The following IFT172 variants were observed in gnomAD, a reference collection of about 807,000 sequenced individuals.
The protein encoded by IFT172 is intraflagellar transport protein 172 homolog.
Under a neutral mutation model 248.9 loss-of-function variants are expected in IFT172, and 164 were observed. The ratio of observed to expected loss-of-function variants is 0.66; its 90% confidence interval spans 0.58 to 0.75. The LOEUF is 0.75. Among genes scored for constraint, IFT172 ranks in the 30% least tolerant of loss-of-function variants. The probability of loss-of-function intolerance (pLI) is 0.00; values close to 1 mark genes in which losing one functional copy is unlikely to be tolerated. For missense variants in IFT172, 1,950 were observed against 2,192.4 expected (o/e 0.89, Z 2.21); for synonymous variants, 729 against 791.6 (o/e 0.92, Z 1.33).
chr2:27,474,275 T>C (rs1667804339), intron 14 of IFT172, among the ~76,000 whole-genome samples: 1 of 152,182 alleles, frequency 6.6e-6, no homozygotes, highest in Non-Finnish European at 1.5e-5. Flanking sequence ...TAATGTGAAA[T>C]ATAATATTCA....
chr2:27,476,775 A>C (rs1667986362), intron 13 of IFT172, 49 bp from the exon 14 acceptor site: 6 of 1,102,682 alleles, frequency 5.4e-6, no homozygotes, highest in Non-Finnish European at 8.4e-6. Flanking sequence ...GGTAGTTGGG[A>C]TGTTTATTAA....
chr2:27,489,697 C>T lies in IFT172; in HGVS notation c.-44G>A. 1 of 1,538,360 alleles carries T rather than the reference C, an allele frequency of 6.5e-7. No homozygotes were observed. The highest frequency in any genetic ancestry group is 8.9e-7 in the Non-Finnish European group (1 of 1,119,162). ...AGATGCTCCTAGACAGCGACAACTC[C>T]CGTGGTTACCTGGACAACCCGCCAC... On this transcript the variant is annotated 5_prime_UTR_variant, in exon 1 of 48. Coordinates refer to ENST00000260570, the MANE Select transcript of IFT172 (RefSeq NM_015662.3).
At chr2:27,463,308 T>C (rs1247147610) in intron 18 of IFT172, 127 bp from the exon 19 acceptor site, 2 of 796,248 alleles carry the variant, frequency 2.5e-6, no homozygotes, top group Non-Finnish European at 3.9e-6. Flanking sequence ...ACTGGAGACA[T>C]ATAGAGACCA....
chr2:27,447,462 AT>A, intron 42 of IFT172, 52 bp downstream of exon 42: 1 of 1,597,000 alleles, frequency 6.3e-7, no homozygotes, highest in Non-Finnish European at 8.5e-7. Context: ...AGCTTTATAC[AT>A]TTGCAGATGA....
intron 14 of IFT172, among the ~76,000 whole-genome samples, chr2:27,476,276 G>A (rs187898427): frequency 7.2e-5 from 11 of 152,146 alleles, no homozygotes; most frequent in African/African-American, 2.6e-4. Context: ...TTTTGTTTTT[G>A]TTTTTGTTTT....
In IFT172 at chr2:27,453,521, G is replaced by A. The variant is rs1665890137; in HGVS notation, c.3822-8C>T. On this transcript the variant is annotated splice_polypyrimidine_tract_variant and splice_region_variant and intron_variant, in intron 34 of 47. Transcript: ENST00000260570. ...ACAAATCCCTCCACACCCCTGTGGA[G>A]ATGAGAGCGCTGGGACTTGGCATGG... 6.2e-7 allele frequency: 1 copy of A among 1,613,406 alleles called. No individual in the cohort carries two copies.
Position 27,477,388 on chromosome 2 carries a change from T to C in IFT172, c.1222-68A>G, listed in dbSNP as rs1193297511. Reference sequence around the variant, plus strand: ...AGAAAAACAGTAGTGGGAGGTGTACTGTCAGTTCAAGGTGACTACCACTTT... The same window carrying C: ...AGAAAAACAGTAGTGGGAGGTGTACCGTCAGTTCAAGGTGACTACCACTTT... On this transcript the variant is annotated intron_variant, in intron 12 of 47. Transcript: ENST00000260570. 2.8e-6 allele frequency: 4 copies of C among 1,413,158 alleles called. No homozygotes were observed. In the East Asian group the frequency reaches 6.8e-5, roughly 24 times the overall value. 87.5% of individuals were successfully genotyped at this position (1,413,158 alleles called of 1,614,324 possible).
At chr2:27,451,587 C>T (rs1327117814) in intron 35 of IFT172, among the ~76,000 whole-genome samples, 2 of 152,060 alleles carry the variant, frequency 1.3e-5, no homozygotes, top group African/African-American at 4.8e-5. Context: ...CACGGTGAAA[C>T]CCCGTCTCTA....
intron 16 of IFT172, among the ~76,000 whole-genome samples, chr2:27,467,969 G>A (rs1241766295): frequency 6.6e-6 from 1 of 151,954 alleles, no homozygotes; most frequent in Non-Finnish European, 1.5e-5. Context: ...GACCACCCTG[G>A]CCAACACGGT....
intron 10 of IFT172, among the ~76,000 whole-genome samples, chr2:27,478,851 CATCATACACAGTGAGCTCAG>C (rs1361465946): frequency 6.6e-6 from 1 of 152,158 alleles, no homozygotes; most frequent in Non-Finnish European, 1.5e-5. Context: ...TAGCTTGCAA[CATCATACACAGTGAGCTCAG>C]AGGCCTTAAA....
intron 43 of IFT172, 38 bp from the exon 44 acceptor site, chr2:27,446,026 C>T (rs371445480): frequency 6.2e-7 from 1 of 1,612,468 alleles, no homozygotes; most frequent in African/African-American, 1.3e-5. Context: ...AGTGAACAAG[C>T]TGGGTTTGAA....
At chr2:27,459,357 C>A (rs564135759) in intron 25 of IFT172, 21 bp downstream of exon 25, 4 of 1,612,866 alleles carry the variant, frequency 2.5e-6, no homozygotes, top group Non-Finnish European at 8.5e-7. Context: ...CCTCGTGCTG[C>A]GGAAAGGGAC....
intron 16 of IFT172, chr2:27,470,655 G>C: frequency 3.1e-6 from 1 of 318,514 alleles, no homozygotes; most frequent in Non-Finnish European, 5.7e-6. Flanking sequence ...CTCCTATCAG[G>C]GATCTTCCAG....
intron 26 of IFT172, among the ~76,000 whole-genome samples, 175 bp downstream of exon 26, chr2:27,458,604 C>T (rs1214356562): frequency 6.6e-6 from 1 of 152,192 alleles, no homozygotes; most frequent in Non-Finnish European, 1.5e-5. Flanking sequence ...AAACAAGGGC[C>T]TCTCTTCATC....
At position 27,477,978 on chromosome 2, in the gene IFT172, T is replaced by A. The variant is rs541946109; in HGVS notation, c.1167+17A>T. Reference sequence around the variant, plus strand: ...AGATGCCCTATTCCCCACCCTACCCTCAATTTTGGTTCCTACCTCACTAAG... The same window carrying A: ...AGATGCCCTATTCCCCACCCTACCCACAATTTTGGTTCCTACCTCACTAAG... On this transcript the variant is annotated intron_variant, in intron 11 of 47. Coordinates refer to ENST00000260570, the MANE Select transcript of IFT172 (RefSeq NM_015662.3). 6.2e-7 allele frequency: 1 copy of A among 1,613,752 alleles called. No homozygotes were observed. The highest frequency in any genetic ancestry group is 1.7e-5 in the Admixed American group (1 of 60,002).
At chr2:27,449,159 A>T in intron 39 of IFT172, 128 bp from the exon 40 acceptor site, 1 of 1,232,088 alleles carries the variant, frequency 8.1e-7, no homozygotes, top group Non-Finnish European at 1.2e-6. Context: ...CCAGTTTCAG[A>T]CTGAGCTTCT....
chr2:27,445,114 G>C lies in IFT172; in HGVS notation c.5069-9C>G. On this transcript the variant is annotated splice_polypyrimidine_tract_variant and intron_variant, in intron 46 of 47. Transcript: ENST00000260570. The surrounding 1 kb of genome is among the most constrained non-coding windows in gnomAD (Gnocchi z 4.4). ...CCTCAGAATGGGGTATCCTGTGGAG[G>C]AAGAAAAAATGATGAACTGGGGTTT... 1 of 1,613,108 alleles carries C rather than the reference G, an allele frequency of 6.2e-7. No homozygotes were observed. The highest frequency in any genetic ancestry group is 8.5e-7 in the Non-Finnish European group (1 of 1,179,748).
chr2:27,469,297 G>A (rs1667369985), intron 16 of IFT172, among the ~76,000 whole-genome samples: 1 of 152,160 alleles, frequency 6.6e-6, no homozygotes, highest in Non-Finnish European at 1.5e-5. Context: ...GGACGCTGAG[G>A]TGGGAGAATC....
intron 16 of IFT172, among the ~76,000 whole-genome samples, chr2:27,470,076 T>C (rs1438274968): frequency 6.6e-6 from 1 of 151,618 alleles, no homozygotes; most frequent in Non-Finnish European, 1.5e-5. Context: ...AAAAGGTGCT[T>C]AAAGAAATTA....
Sources: allele counts gnomAD v4.1 joint callset (sites outside exome capture counted in the v4.1 genomes callset), GRCh38; gene constraint gnomAD v4.1.1; non-coding constraint Gnocchi (gnomAD v3.1); transcripts MANE v1.5; gene names NCBI Gene and HGNC (gene_info 2026-07-23, HGNC 2026-07-21).